The following RALGAPA2 variants were observed in gnomAD, a reference collection of about 807,000 sequenced individuals.
RALGAPA2 encodes the protein ral GTPase-activating protein subunit alpha-2.
Under a neutral mutation model 230.4 loss-of-function variants are expected in RALGAPA2, and 139 were observed. That is an observed-to-expected ratio of 0.60 (90% CI 0.53 to 0.69). The LOEUF is 0.69. RALGAPA2 is among the 30% of genes least tolerant of loss of function. The pLI is 0.00. For missense variants in RALGAPA2, 2,163 were observed against 2,276.0 expected (o/e 0.95, Z 1.01); for synonymous variants, 847 against 837.8 (o/e 1.01, Z -0.19).
chr20:20,653,630 T>C (rs2146612022), intron 3 of RALGAPA2, 43 bp from the exon 4 acceptor site: 2 of 1,218,634 alleles, frequency 1.6e-6, no homozygotes, highest in East Asian at 2.6e-5. Context: ...CAAATGAAAT[T>C]ACACATTTTC....
chr20:20,643,344 T>C (rs936573485), intron 5 of RALGAPA2, among the ~76,000 whole-genome samples, 162 bp downstream of exon 5: 3 of 152,218 alleles, frequency 2.0e-5, no homozygotes, highest in African/African-American at 7.2e-5. Flanking sequence ...TAAGTTATGA[T>C]GTAAGAACAA....
chr20:20,608,237 C>G (rs1056407702), intron 14 of RALGAPA2, among the ~76,000 whole-genome samples: 2 of 152,138 alleles, frequency 1.3e-5, no homozygotes, highest in Non-Finnish European at 2.9e-5. Context: ...CCAACCACTT[C>G]CTACTTCACT....
intron 24 of RALGAPA2, among the ~76,000 whole-genome samples, chr20:20,545,383 C>G (rs2063753468): frequency 6.6e-6 from 1 of 152,060 alleles, no homozygotes; most frequent in African/African-American, 2.4e-5. Flanking sequence ...TCTCTTTTAC[C>G]TTTCTTCTCT....
At chr20:20,625,434 TA>T (rs989925351) in intron 10 of RALGAPA2, among the ~76,000 whole-genome samples, 10 of 152,326 alleles carry the variant, frequency 6.6e-5, no homozygotes, top group Middle Eastern at 3.4e-3. Flanking sequence ...ATAGATTTTT[TA>T]ATAAAAATAA....
At chr20:20,411,541 A>G (rs1040068848) in intron 38 of RALGAPA2, among the ~76,000 whole-genome samples, 1 of 152,198 alleles carries the variant, frequency 6.6e-6, no homozygotes, top group African/African-American at 2.4e-5. Context: ...CCAGAGAGAC[A>G]CGCACACTGC....
At chr20:20,436,648 C>T (rs1569398737) in intron 37 of RALGAPA2, among the ~76,000 whole-genome samples, 2 of 152,148 alleles carry the variant, frequency 1.3e-5, no homozygotes, top group East Asian at 3.9e-4. Flanking sequence ...GGATGGCTCA[C>T]GAAGGCTTCA....
chr20:20,584,096 C>T (rs1224899790), intron 19 of RALGAPA2, among the ~76,000 whole-genome samples: 1 of 152,204 alleles, frequency 6.6e-6, no homozygotes, highest in Non-Finnish European at 1.5e-5. Flanking sequence ...AACTCCTCTG[C>T]ACCCATCAAG....
In RALGAPA2 at chr20:20,395,511, G is replaced by A. The variant is rs76552983; in HGVS notation, c.*35+1184C>T. Among the ~76,000 whole-genome samples, 1,027 of 152,278 alleles carry A rather than the reference G, an allele frequency of 6.7e-3. 14 individuals are homozygous for A. The highest frequency in any genetic ancestry group is 0.019 in the African/African-American group (796 of 41,560). On this transcript the variant is annotated intron_variant, in intron 39 of 39. Coordinates refer to ENST00000202677, the MANE Select transcript of RALGAPA2 (RefSeq NM_020343.4). ...GGACATGCATGGAGACGGGGGTCTC[G>A]GCAAATGCGAAGTTTTGCAGCAAGG... is the stretch of plus-strand genomic sequence containing the variant.
At chr20:20,572,087 T>C in intron 21 of RALGAPA2, 141 bp from the exon 22 acceptor site, 1 of 622,554 alleles carries the variant, frequency 1.6e-6, no homozygotes, top group South Asian at 2.1e-5. Context: ...GTTTCTCTTT[T>C]ATTGTGAAAT....
intron 36 of RALGAPA2, among the ~76,000 whole-genome samples, chr20:20,483,589 G>A (rs1238957110): frequency 6.6e-6 from 1 of 152,098 alleles, no homozygotes; most frequent in Non-Finnish European, 1.5e-5. Context: ...ACCTCATACT[G>A]CAGGGCAGGT....
rs920696769 is a variant in RALGAPA2, at chr20:20,654,594, T to C, written c.271-1007A>G. 3.9e-5 allele frequency among the ~76,000 whole-genome samples: 6 copies of C among 152,360 alleles called. 1 individual carries two copies. The South Asian group carries it at 1.2e-3, about 32-fold the overall frequency. ...CAGCATTTCCTTTTATAAGGCTGAA[T>C]AGTATTTCACTGTGTATTCATACCA... On this transcript the variant is annotated intron_variant, in intron 3 of 39. Transcript: ENST00000202677.
chr20:20,660,302 C>T (rs1014902524), intron 3 of RALGAPA2, among the ~76,000 whole-genome samples: 1 of 151,734 alleles, frequency 6.6e-6, no homozygotes, highest in Non-Finnish European at 1.5e-5. Context: ...TTAATGGAGC[C>T]CTGACAGTTC....
chr20:20,494,433 T>C (rs2062146858), intron 36 of RALGAPA2, among the ~76,000 whole-genome samples: 1 of 152,218 alleles, frequency 6.6e-6, no homozygotes, highest in Non-Finnish European at 1.5e-5. Context: ...AACAAGTCGC[T>C]ACATAAAGCA....
chr20:20,712,294 C>G lies in RALGAPA2; in HGVS notation c.106+81G>C. ...TCCCCCTCCCCAGCCTCCCAGCCAC[C>G]GACCCCTGCACAGAGGAGCGCCCTC... On this transcript the variant is annotated intron_variant, in intron 1 of 39. Coordinates refer to ENST00000202677, the MANE Select transcript of RALGAPA2 (RefSeq NM_020343.4). The surrounding 1 kb of genome is among the most constrained non-coding windows in gnomAD (Gnocchi z 5.5). The G allele has an allele frequency of 7.4e-7, 1 of 1,342,432 alleles. No homozygotes were observed. Among genetic ancestry groups the G allele is most frequent in the Non-Finnish European group, 1.0e-6 (1 of 996,924 alleles). The allele number at this position is 1,342,432 out of a possible 1,614,324, so 83.2% of individuals were successfully genotyped here.
intron 24 of RALGAPA2, among the ~76,000 whole-genome samples, chr20:20,540,992 A>C (rs780310731): frequency 6.6e-6 from 1 of 152,064 alleles, no homozygotes; most frequent in African/African-American, 2.4e-5. Flanking sequence ...GGAATGGAAT[A>C]ATAAATGGGC....
chr20:20,700,098 C>A (rs1185194722), intron 1 of RALGAPA2, among the ~76,000 whole-genome samples: 1 of 152,116 alleles, frequency 6.6e-6, no homozygotes, highest in Non-Finnish European at 1.5e-5. Flanking sequence ...AAATGTGGTA[C>A]ATATACACCA....
rs1263192748 is a variant in RALGAPA2 at position 20,585,482 on chromosome 20, A to G, written c.2440-527T>C. 5.3e-5 allele frequency among the ~76,000 whole-genome samples: 8 copies of G among 152,238 alleles called. No individual in the cohort carries two copies. In the East Asian group the frequency reaches 5.8e-4, roughly 11 times the overall value. On this transcript the variant is annotated intron_variant, in intron 18 of 39. Transcript: ENST00000202677. ...AATCAGGAGGAAATCTGCATCCTCT[A>G]ATAAGTTATAATTTGCTTGGAGAGA... is the stretch of plus-strand genomic sequence containing the variant.
chr20:20,600,832 T>G (rs933605185), intron 16 of RALGAPA2, among the ~76,000 whole-genome samples: 4 of 152,240 alleles, frequency 2.6e-5, no homozygotes, highest in African/African-American at 7.2e-5. Flanking sequence ...GCGGGCGCAG[T>G]GGCTCACGCC....
chr20:20,401,341 G>A (rs559684549), intron 38 of RALGAPA2, among the ~76,000 whole-genome samples: 58 of 152,192 alleles, frequency 3.8e-4, no homozygotes, highest in African/African-American at 1.3e-3. Context: ...GGGGAATGAG[G>A]GCAGCTGTGA....
Sources: gnomAD v4.1 joint callset for allele counts (sites outside exome capture counted in the v4.1 genomes callset) on GRCh38, gnomAD v4.1.1 for gene constraint, Gnocchi (gnomAD v3.1) non-coding constraint, MANE v1.5 for transcripts, NCBI Gene and HGNC (gene_info 2026-07-23, HGNC 2026-07-21) for gene names.